PCNX2: variants seen among roughly 807,000 people sequenced by gnomAD.
PCNX2 encodes the protein pecanex 2.
Under a neutral mutation model 223.8 loss-of-function variants are expected in PCNX2, and 168 were observed. The ratio of observed to expected loss-of-function variants is 0.75; its 90% confidence interval spans 0.66 to 0.85. The LOEUF (loss-of-function observed/expected upper bound fraction) is 0.85. Ranked by LOEUF, PCNX2 falls within the 40% of genes least tolerant of loss-of-function variation. The probability of loss-of-function intolerance (pLI) is 0.00; values close to 1 mark genes in which losing one functional copy is unlikely to be tolerated. For synonymous variants in PCNX2, 1,006 were observed against 1,052.6 expected (o/e 0.96, Z 0.86); for missense variants, 2,507 against 2,675.5 (o/e 0.94, Z 1.39).
At chr1:233,262,788 T>C (rs1660125586) in intron 2 of PCNX2, among the ~76,000 whole-genome samples, 170 bp downstream of exon 2, 2 of 152,238 alleles carry the variant, frequency 1.3e-5, no homozygotes, top group South Asian at 4.1e-4. Context: ...AGTTAAACCA[T>C]CTTGATTATG....
At chr1:233,162,767 A>G (rs1370984625) in intron 17 of PCNX2, among the ~76,000 whole-genome samples, 1 of 152,166 alleles carries the variant, frequency 6.6e-6, no homozygotes, top group African/African-American at 2.4e-5. Flanking sequence ...TTTCATTAAC[A>G]TGGTTTTATG....
chr1:233,028,265 C>G (rs1044537737), intron 25 of PCNX2, among the ~76,000 whole-genome samples: 7 of 152,232 alleles, frequency 4.6e-5, no homozygotes, highest in African/African-American at 1.4e-4. Flanking sequence ...TTGACAGTAT[C>G]ATTCAAATAT....
chr1:233,122,073 T>TACACACACACAC (rs3033285), intron 21 of PCNX2, among the ~76,000 whole-genome samples: 18 of 131,406 alleles, frequency 1.4e-4, no homozygotes, highest in African/African-American at 3.3e-4. Context: ...AGTTAGAAAG[T>TACACACACACAC]ACACACACAC....
intron 17 of PCNX2, among the ~76,000 whole-genome samples, chr1:233,175,317 C>T (rs924908482): frequency 1.4e-4 from 21 of 152,154 alleles, no homozygotes; most frequent in African/African-American, 5.1e-4. Context: ...AAGTTATGTG[C>T]TCCACACTGT....
At chr1:233,267,531 C>T (rs375974625) in intron 1 of PCNX2, among the ~76,000 whole-genome samples, 1 of 151,178 alleles carries the variant, frequency 6.6e-6, no homozygotes, top group East Asian at 1.9e-4. Context: ...TTCTCCCCAC[C>T]CCCCATCCCC....
At chr1:233,213,017 A>C (rs1681905935) in intron 12 of PCNX2, among the ~76,000 whole-genome samples, 1 of 152,182 alleles carries the variant, frequency 6.6e-6, no homozygotes, top group Non-Finnish European at 1.5e-5. Context: ...TTCCTCCTAA[A>C]ATCCATAATC....
Position 233,252,174 on chromosome 1 carries a change from C to T in PCNX2, c.2128+180G>A, listed in dbSNP as rs529902875. 2.2e-3 allele frequency among the ~76,000 whole-genome samples: 332 copies of T among 152,314 alleles called. 1 individual carries two copies. Among genetic ancestry groups the T allele is most frequent in the African/African-American group, 7.8e-3 (323 of 41,572 alleles). On this transcript the variant is annotated intron_variant, in intron 7 of 33. Transcript: ENST00000258229. Reference sequence around the variant, plus strand: ...CAATAGCACACACTGGGGCACAGCACGTGTAAAGGCCCCGAGATGGGAGGC... The same window carrying T: ...CAATAGCACACACTGGGGCACAGCATGTGTAAAGGCCCCGAGATGGGAGGC...
intron 25 of PCNX2, among the ~76,000 whole-genome samples, chr1:233,035,586 G>A (rs181571655): frequency 1.3e-5 from 2 of 152,270 alleles, no homozygotes; most frequent in African/African-American, 4.8e-5. Flanking sequence ...GCACAATCAC[G>A]CTCTCACTCA....
Position 233,259,031 on chromosome 1 carries a change from C to A in PCNX2, c.831G>T (p.Gly277=), listed in dbSNP as rs1329395178. The change falls in exon 5 of 34, where the codon GGG becomes GGT. Residue 277 remains glycine, a synonymous_variant. Coordinates refer to ENST00000258229, the MANE Select transcript of PCNX2 (RefSeq NM_014801.4). Reference sequence around the variant, plus strand: ...CTGGAATCAGGACTGAATTCTCACTCCCCCACGGCTGGAAAGAAACGTCTG... The same window carrying A: ...CTGGAATCAGGACTGAATTCTCACTACCCCACGGCTGGAAAGAAACGTCTG... ...LETDVSFQPW[G]SENSVLIPEP... The A allele has an allele frequency of 1.2e-6, 2 of 1,613,954 alleles. No homozygotes were observed. The highest frequency in any genetic ancestry group is 8.5e-7 in the Non-Finnish European group (1 of 1,179,872).
chr1:233,220,787 T>C (rs1051972653), intron 10 of PCNX2, among the ~76,000 whole-genome samples: 6 of 152,174 alleles, frequency 3.9e-5, no homozygotes, highest in African/African-American at 1.2e-4. Flanking sequence ...GATGCTTCAA[T>C]AGCTAACAAA....
chr1:233,010,535 C>T (rs1055056404), intron 28 of PCNX2, among the ~76,000 whole-genome samples: 1 of 152,216 alleles, frequency 6.6e-6, no homozygotes, highest in South Asian at 2.1e-4. Context: ...CACCTCATCA[C>T]CTTTCATGTA....
chr1:233,296,894 G>A (rs1662155479), upstream of PCNX2, among the ~76,000 whole-genome samples: 1 of 152,210 alleles, frequency 6.6e-6, no homozygotes. Context: ...AGAGGGCCCA[G>A]GACATGAAAG....
chr1:233,289,758 A>G (rs544811518), intron 1 of PCNX2, among the ~76,000 whole-genome samples: 32 of 152,364 alleles, frequency 2.1e-4, no homozygotes, highest in African/African-American at 6.5e-4. Context: ...AGGAAACTGG[A>G]TAACAATGCT....
intron 32 of PCNX2, among the ~76,000 whole-genome samples, chr1:232,996,086 T>G (rs2102788676): frequency 6.6e-6 from 1 of 152,300 alleles, no homozygotes; most frequent in South Asian, 2.1e-4. Flanking sequence ...GGTCTTGAAC[T>G]CCTGACCTCA....
intron 28 of PCNX2, among the ~76,000 whole-genome samples, chr1:233,004,233 T>A (rs12046437): frequency 0.26 from 38,950 of 152,098 alleles, 5,182 homozygotes; most frequent in East Asian, 0.31. Flanking sequence ...TGTATTTTTT[T>A]AAAAAAGAGG....
At position 233,285,043 on chromosome 1, in the gene PCNX2, T is replaced by C. The variant is rs968912482; in HGVS notation, c.153+10283A>G. ...ACCCCTGACATCCCAATGGACCATG[T>C]TGGACATGTAGTATAAATAAAAAAT... On this transcript the variant is annotated intron_variant, in intron 1 of 33. Coordinates refer to ENST00000258229, the MANE Select transcript of PCNX2 (RefSeq NM_014801.4). 4.1e-6 allele frequency: 4 copies of C among 982,814 alleles called. No individual in the cohort carries two copies. The African/African-American group carries it at 7.0e-5, about 17-fold the overall frequency. 60.9% of individuals were successfully genotyped at this position (982,814 alleles called of 1,614,324 possible).
chr1:233,008,831 G>A (rs576103416), intron 28 of PCNX2, among the ~76,000 whole-genome samples: 3 of 152,324 alleles, frequency 2.0e-5, no homozygotes, highest in African/African-American at 7.2e-5. Context: ...CATGATGCCT[G>A]TAGCAGGTGC....
chr1:233,294,984 T>C (rs1323390884), intron 1 of PCNX2, among the ~76,000 whole-genome samples: 1 of 152,054 alleles, frequency 6.6e-6, no homozygotes, highest in Non-Finnish European at 1.5e-5. Context: ...CACCAAACAT[T>C]ATCCCAAGCT....
At position 233,000,187 on chromosome 1, in the gene PCNX2, C is replaced by G; in HGVS notation, c.5328+118G>C. The G allele has an allele frequency of 7.7e-6, 8 of 1,037,284 alleles. No individual in the cohort carries two copies. In the South Asian group the frequency reaches 1.0e-4, roughly 14 times the overall value. The allele number at this position is 1,037,284 out of a possible 1,614,324, so 64.3% of individuals were successfully genotyped here. On this transcript the variant is annotated intron_variant, in intron 30 of 33. Transcript: ENST00000258229. This position sits in a 1 kb window ranked among gnomAD's most constrained non-coding sequence, Gnocchi z 4.6. ...GCTCCTTCCAGAACATCCCTCTGAA[C>G]AGAGGATGCTGGCACAGAGACTCCT...
Sources: gnomAD v4.1 joint callset for allele counts (sites outside exome capture counted in the v4.1 genomes callset) on GRCh38, gnomAD v4.1.1 for gene constraint, Gnocchi (gnomAD v3.1) non-coding constraint, MANE v1.5 for transcripts, NCBI Gene and HGNC (gene_info 2026-07-23, HGNC 2026-07-21) for gene names.